The following TNNI3K variants were observed in gnomAD, a reference collection of about 807,000 sequenced individuals.
The protein encoded by TNNI3K is TNNI3 interacting kinase.
A neutral mutation model predicts 114.5 loss-of-function variants in TNNI3K; 140 were observed. The ratio of observed to expected loss-of-function variants is 1.22; its 90% CI spans 1.07 to 1.41. The LOEUF is 1.41. Among genes scored for constraint, TNNI3K ranks in the 40% most tolerant of loss-of-function variants. The pLI, the probability that TNNI3K is intolerant of heterozygous loss-of-function variation, is 0.00. For synonymous variants in TNNI3K, 347 were observed against 347.5 expected (o/e 1.00, Z 0.02); for missense variants, 1,125 against 1,007.6 (o/e 1.12, Z -1.58).
rs72966950 is a variant in TNNI3K, at chr1:74,416,333, C to T, written c.1773-19747C>T. The stretch of plus-strand genomic sequence containing the variant: ...CACTACCAAAAAGGGACCTTAGTGA[C>T]GGGCTACACTAATGATGGAGAGTAA... On this transcript the variant is annotated intron_variant, in intron 17 of 24. Coordinates refer to ENST00000326637, the MANE Select transcript of TNNI3K (RefSeq NM_015978.3). 4.8e-3 allele frequency: 4,700 copies of T among 985,066 alleles called. 155 individuals are homozygous for T. In the African/African-American group the frequency reaches 0.076, roughly 16 times the overall value. 61.0% of individuals were successfully genotyped at this position (985,066 alleles called of 1,614,324 possible).
intron 13 of TNNI3K, 113 bp downstream of exon 13, chr1:74,368,077 C>A (rs1662374250): frequency 1.9e-6 from 2 of 1,027,714 alleles, no homozygotes; most frequent in Non-Finnish European, 2.7e-6. Context: ...TTTACAAGCA[C>A]AACAAATATT....
At chr1:74,526,846 A>T (rs72982849) in intron 23 of TNNI3K, among the ~76,000 whole-genome samples, 1 of 152,174 alleles carries the variant, frequency 6.6e-6, no homozygotes, top group Non-Finnish European at 1.5e-5. Context: ...ACTACAGCTC[A>T]TGGGTAAATC....
intron 17 of TNNI3K, among the ~76,000 whole-genome samples, chr1:74,426,061 G>A (rs1665624952): frequency 6.6e-6 from 1 of 152,024 alleles, no homozygotes; most frequent in Admixed American, 6.6e-5. Context: ...TTGATGGAAG[G>A]CATATGGGAC....
intron 20 of TNNI3K, among the ~76,000 whole-genome samples, chr1:74,446,650 C>G (rs1001090502): frequency 6.7e-6 from 1 of 150,240 alleles, no homozygotes; most frequent in African/African-American, 2.5e-5. Context: ...CCAAGGTTTT[C>G]TTCTAGGGTT....
chr1:74,455,675 A>C (rs765703990), intron 20 of TNNI3K, among the ~76,000 whole-genome samples: 1 of 152,024 alleles, frequency 6.6e-6, no homozygotes, highest in Admixed American at 6.6e-5. Flanking sequence ...TAAGTTCCAG[A>C]CTCTGAAGGC....
chr1:74,326,734 G>A (rs1306462932), intron 5 of TNNI3K, among the ~76,000 whole-genome samples: 3 of 152,114 alleles, frequency 2.0e-5, no homozygotes, highest in South Asian at 2.1e-4. Flanking sequence ...AGCTTTTCAT[G>A]GAGAACATGA....
chr1:74,391,718 T>C (rs1239394423), intron 17 of TNNI3K, among the ~76,000 whole-genome samples: 1 of 152,028 alleles, frequency 6.6e-6, no homozygotes, highest in Non-Finnish European at 1.5e-5. Flanking sequence ...AGATCATTTA[T>C]GGAGAAAGAA....
chr1:74,406,689 T>G (rs1664630639), intron 17 of TNNI3K, among the ~76,000 whole-genome samples: 1 of 152,222 alleles, frequency 6.6e-6, no homozygotes. Flanking sequence ...ATGTACAGTT[T>G]AACACATTTA....
At chr1:74,271,917 AC>A (rs1251466307) in intron 5 of TNNI3K, among the ~76,000 whole-genome samples, 3 of 151,948 alleles carry the variant, frequency 2.0e-5, no homozygotes, top group African/African-American at 7.2e-5. Flanking sequence ...TCATCAATTA[AC>A]ATAAAGGTAG....
intron 5 of TNNI3K, among the ~76,000 whole-genome samples, chr1:74,294,275 T>G (rs950891095): frequency 6.6e-6 from 1 of 151,998 alleles, no homozygotes; most frequent in African/African-American, 2.4e-5. Flanking sequence ...GTTCTATTCT[T>G]TGGAAAAGTT....
At chr1:74,381,422 A>T (rs1663198824) in intron 17 of TNNI3K, among the ~76,000 whole-genome samples, 1 of 152,190 alleles carries the variant, frequency 6.6e-6, no homozygotes, top group Non-Finnish European at 1.5e-5. Flanking sequence ...TTTCGAAAGA[A>T]TCTTTTCACT....
At chr1:74,236,362 C>T in intron 2 of TNNI3K, 152 bp downstream of exon 2, 1 of 556,532 alleles carries the variant, frequency 1.8e-6, no homozygotes, top group Non-Finnish European at 3.1e-6. Context: ...TCTCTTTGAC[C>T]ACTCATATAG....
chr1:74,505,118 C>G (rs1383378619), intron 23 of TNNI3K, among the ~76,000 whole-genome samples: 3 of 152,180 alleles, frequency 2.0e-5, no homozygotes, highest in African/African-American at 4.8e-5. Flanking sequence ...GGCCCGGGCC[C>G]ACTCTTAAGC....
chr1:74,319,531 T>G lies in TNNI3K; in HGVS notation c.445-11919T>G, dbSNP rs560768942. On this transcript the variant is annotated intron_variant, in intron 5 of 24. Transcript: ENST00000326637. The stretch of plus-strand genomic sequence containing the variant: ...GAGATGGATTCATAGAGAGATTACT[T>G]GTTATGTCTCGAAGATATGGACTCC... Among the ~76,000 whole-genome samples, 82 of 152,274 alleles carry G rather than the reference T, an allele frequency of 5.4e-4. 1 individual carries two copies. Among genetic ancestry groups the G allele is most frequent in the South Asian group, 3.3e-3 (16 of 4,824 alleles).
intron 5 of TNNI3K, among the ~76,000 whole-genome samples, chr1:74,308,886 A>G (rs1658810691): frequency 6.6e-6 from 1 of 152,190 alleles, no homozygotes; most frequent in South Asian, 2.1e-4. Flanking sequence ...CTGTGTACAC[A>G]AACTAGAAAA....
At chr1:74,249,421 G>A (rs766715239) in intron 2 of TNNI3K, 38 bp from the exon 3 acceptor site, 1 of 1,578,254 alleles carries the variant, frequency 6.3e-7, no homozygotes, top group East Asian at 2.3e-5. Context: ...TATGCTAAAA[G>A]ATGAATTTTG....
chr1:74,352,070 TG>T (rs1661382319), intron 9 of TNNI3K, among the ~76,000 whole-genome samples: 1 of 152,348 alleles, frequency 6.6e-6, no homozygotes, highest in Admixed American at 6.5e-5. Context: ...CTGGTTGTTC[TG>T]CTCTGCTTTT....
chr1:74,462,582 A>C (rs1016474103), intron 20 of TNNI3K, among the ~76,000 whole-genome samples: 5 of 152,234 alleles, frequency 3.3e-5, no homozygotes, highest in African/African-American at 9.6e-5. Flanking sequence ...CATAACAACA[A>C]CAACAACACC....
chr1:74,343,172 T>G lies in TNNI3K; in HGVS notation c.925T>G (p.Phe309Val). The change falls in exon 9 of 25, where the codon TTT becomes GTT. Residue 309 changes from phenylalanine to valine, a missense_variant. Transcript: ENST00000326637. ...GGAAAACATCTTCAGTGAAACAGCTTTTCATAGGTAAAAGAATATTTAAGT... is the reference window on the plus strand; with the variant it reads ...GGAAAACATCTTCAGTGAAACAGCTGTTCATAGGTAAAAGAATATTTAAGT... ...TKENIFSETA[F>V]HSACTYGKSI... 6.2e-7 allele frequency: 1 copy of G among 1,610,634 alleles called. No individual in the cohort carries two copies. Among genetic ancestry groups the G allele is most frequent in the Non-Finnish European group, 8.5e-7 (1 of 1,178,402 alleles).
Sources: allele counts gnomAD v4.1 joint callset (sites outside exome capture counted in the v4.1 genomes callset), GRCh38; gene constraint gnomAD v4.1.1; transcripts MANE v1.5; gene names NCBI Gene and HGNC (gene_info 2026-07-23, HGNC 2026-07-21).